The following KCNAB1 variants were observed in gnomAD, a reference collection of about 807,000 sequenced individuals.
KCNAB1 encodes the protein voltage-gated potassium channel subunit beta-1.
A neutral mutation model predicts 64.6 loss-of-function variants in KCNAB1; 35 were observed. The ratio of observed to expected loss-of-function variants is 0.54; its 90% CI spans 0.41 to 0.72. The LOEUF is 0.72. KCNAB1 is among the 30% of genes least tolerant of loss of function. The probability of loss-of-function intolerance (pLI) is 0.00; values close to 1 mark genes in which losing one functional copy is unlikely to be tolerated. For synonymous variants in KCNAB1, 177 were observed against 183.8 expected, an observed-to-expected ratio of 0.96 and a Z score of 0.30; for missense variants, 401 against 512.9, an observed-to-expected ratio of 0.78 and a Z score of 2.11.
chr3:156,135,411 A>T (rs1714282773), intron 1 of KCNAB1, among the ~76,000 whole-genome samples: 1 of 152,198 alleles, frequency 6.6e-6, no homozygotes, highest in African/African-American at 2.4e-5. Flanking sequence ...GTCCTTGTCC[A>T]CTAAGCCCAT....
At chr3:156,155,467 A>G (rs1040612737) in intron 1 of KCNAB1, among the ~76,000 whole-genome samples, 1 of 152,226 alleles carries the variant, frequency 6.6e-6, no homozygotes, top group African/African-American at 2.4e-5. Flanking sequence ...TATTTGTGAC[A>G]GGGAGCAGTT....
intron 2 of KCNAB1, among the ~76,000 whole-genome samples, chr3:156,435,189 T>C (rs925642707): frequency 1.3e-5 from 2 of 152,200 alleles, no homozygotes; most frequent in East Asian, 3.8e-4. Flanking sequence ...GTGTCTGCCA[T>C]GGGTCAGATA....
intron 1 of KCNAB1, among the ~76,000 whole-genome samples, chr3:156,351,243 A>G (rs116040663): frequency 0.034 from 5,191 of 152,400 alleles, 112 homozygotes; most frequent in Middle Eastern, 0.068. Flanking sequence ...AAGCAAAGAA[A>G]TCAAACACGG....
chr3:156,165,017 G>A (rs912656228), intron 1 of KCNAB1, among the ~76,000 whole-genome samples: 5 of 152,110 alleles, frequency 3.3e-5, no homozygotes, highest in Non-Finnish European at 5.9e-5. Flanking sequence ...GTGGCTCAAC[G>A]CCTGTAATCC....
At position 156,502,523 on chromosome 3, in the gene KCNAB1, A is replaced by G. The variant is rs527595771; in HGVS notation, c.659-11841A>G. 3.7e-3 allele frequency among the ~76,000 whole-genome samples: 514 copies of G among 137,100 alleles called. 1 individual carries two copies. The highest frequency in any genetic ancestry group is 6.0e-3 in the Non-Finnish European group (390 of 64,664). The allele number at this position is 137,100 out of a possible 152,430, so 89.9% of individuals were successfully genotyped here. ...GAAAAAAAAATGAAACCAGATCCCTACCTTACAACCACACACACACACACA... is the reference window on the plus strand; with the variant it reads ...GAAAAAAAAATGAAACCAGATCCCTGCCTTACAACCACACACACACACACA... On this transcript the variant is annotated intron_variant, in intron 8 of 13. Coordinates refer to ENST00000490337, the MANE Select transcript of KCNAB1 (RefSeq NM_172160.3).
chr3:156,532,766 A>G (rs1159798098), intron 13 of KCNAB1, among the ~76,000 whole-genome samples: 1 of 152,200 alleles, frequency 6.6e-6, no homozygotes, highest in East Asian at 1.9e-4. Context: ...TACGTGAGGA[A>G]TTCTCCCTCT....
intron 8 of KCNAB1, among the ~76,000 whole-genome samples, chr3:156,475,957 C>A (rs1024887545): frequency 6.6e-6 from 1 of 152,032 alleles, no homozygotes; most frequent in Non-Finnish European, 1.5e-5. Context: ...TTTCTTGAAT[C>A]CGGGTAAAAT....
At chr3:156,195,942 C>A (rs925939627) in intron 1 of KCNAB1, among the ~76,000 whole-genome samples, 1 of 152,114 alleles carries the variant, frequency 6.6e-6, no homozygotes, top group African/African-American at 2.4e-5. Flanking sequence ...AGTCTTTAAT[C>A]CATCTGAAGT....
At chr3:156,228,710 T>C (rs1054110837) in intron 1 of KCNAB1, among the ~76,000 whole-genome samples, 12 of 152,232 alleles carry the variant, frequency 7.9e-5, no homozygotes, top group Admixed American at 7.9e-4. Flanking sequence ...TTCTTACCCT[T>C]GACCTAGGTT....
intron 1 of KCNAB1, among the ~76,000 whole-genome samples, chr3:156,381,616 G>T (rs1414828259): frequency 6.6e-6 from 1 of 152,232 alleles, no homozygotes; most frequent in East Asian, 1.9e-4. Flanking sequence ...AACTAAATCA[G>T]TGGACATTTT....
intron 12 of KCNAB1, among the ~76,000 whole-genome samples, chr3:156,530,713 A>G (rs1718642906): frequency 6.6e-6 from 1 of 152,238 alleles, no homozygotes; most frequent in Non-Finnish European, 1.5e-5. Flanking sequence ...TAGATCATCA[A>G]CACAGGATGA....
intron 1 of KCNAB1, among the ~76,000 whole-genome samples, chr3:156,191,560 TGTAA>T (rs1713565640): frequency 6.6e-6 from 1 of 152,182 alleles, no homozygotes; most frequent in South Asian, 2.1e-4. Flanking sequence ...ATACAATTCT[TGTAA>T]GTGAGAAAAT....
At chr3:156,366,198 G>A (rs781127370) in intron 1 of KCNAB1, among the ~76,000 whole-genome samples, 33 of 152,114 alleles carry the variant, frequency 2.2e-4, no homozygotes, top group Non-Finnish European at 2.2e-4. Flanking sequence ...TTTCTTTTTT[G>A]AAACTGTATG....
chr3:156,143,116 G>T, intron 1 of KCNAB1: 1 of 1,497,832 alleles, frequency 6.7e-7, no homozygotes, highest in Non-Finnish European at 8.9e-7. Flanking sequence ...TTCACAGCAA[G>T]ATACAGTGAG....
intron 1 of KCNAB1, among the ~76,000 whole-genome samples, chr3:156,340,244 T>C (rs1485792679): frequency 6.6e-6 from 1 of 152,028 alleles, no homozygotes; most frequent in African/African-American, 2.4e-5. Flanking sequence ...AAAAACCCAA[T>C]GGAAAATGAC....
intron 1 of KCNAB1, among the ~76,000 whole-genome samples, chr3:156,276,720 C>G (rs931791711): frequency 6.6e-6 from 1 of 152,112 alleles, no homozygotes; most frequent in Non-Finnish European, 1.5e-5. Flanking sequence ...CTGTAGCTTT[C>G]CCACCTCTCT....
intron 1 of KCNAB1, among the ~76,000 whole-genome samples, chr3:156,370,810 A>C (rs1284516242): frequency 6.6e-6 from 1 of 152,234 alleles, no homozygotes; most frequent in East Asian, 1.9e-4. Context: ...AAGGGCTCAC[A>C]TACAGGGGAG....
chr3:156,130,445 A>G (rs953223451), intron 1 of KCNAB1, among the ~76,000 whole-genome samples: 1 of 152,242 alleles, frequency 6.6e-6, no homozygotes, highest in Non-Finnish European at 1.5e-5. Context: ...TATAGCTAGC[A>G]CATTCCTTAG....
At chr3:156,194,240 A>G (rs891035101) in intron 1 of KCNAB1, among the ~76,000 whole-genome samples, 1 of 151,624 alleles carries the variant, frequency 6.6e-6, no homozygotes, top group African/African-American at 2.4e-5. Context: ...TGTTACTGAA[A>G]CGCTTTCTTT....
Sources: gnomAD v4.1 joint callset for allele counts (sites outside exome capture counted in the v4.1 genomes callset) on GRCh38, gnomAD v4.1.1 for gene constraint, MANE v1.5 for transcripts, NCBI Gene and HGNC (gene_info 2026-07-23, HGNC 2026-07-21) for gene names.